TTC21A: variants seen among roughly 807,000 people sequenced by gnomAD.
The protein encoded by TTC21A is tetratricopeptide repeat protein 21A.
TTC21A carries 128 observed loss-of-function variants against 156.4 expected under a neutral mutation model. The ratio of observed to expected loss-of-function variants is 0.82; its 90% CI spans 0.71 to 0.95. The LOEUF is 0.95. TTC21A is among the 40% of genes least tolerant of loss of function. The pLI is 0.00. For synonymous variants in TTC21A, 587 were observed against 617.1 expected, an observed-to-expected ratio of 0.95 and a Z score of 0.72; for missense variants, 1,435 against 1,602.3, an observed-to-expected ratio of 0.90 and a Z score of 1.78.
rs76388694 is a variant in TTC21A, at chr3:39,126,118, C to G, written c.1393-143C>G. Reference sequence around the variant, plus strand: ...AGTTCCATAGCCTGGAGCTCGTGCTCTAAGCACTAGGTGATACAGAGGATA... The same window carrying G: ...AGTTCCATAGCCTGGAGCTCGTGCTGTAAGCACTAGGTGATACAGAGGATA... On this transcript the variant is annotated intron_variant, in intron 11 of 28. Coordinates refer to ENST00000683103, the MANE Select transcript of TTC21A (RefSeq NM_001366900.1). 1.2e-3 allele frequency: 1,233 copies of G among 1,040,436 alleles called. 10 individuals carry two copies. The African/African-American group carries it at 0.018, about 15-fold the overall frequency. The allele number at this position is 1,040,436 out of a possible 1,614,324, so 64.5% of individuals were successfully genotyped here.
chr3:39,134,459 G>T lies in TTC21A; in HGVS notation c.2862+131G>T. 1 of 755,782 alleles carries T rather than the reference G, an allele frequency of 1.3e-6. No individual in the cohort carries two copies. 46.8% of individuals were successfully genotyped at this position (755,782 alleles called of 1,614,324 possible). On this transcript the variant is annotated intron_variant, in intron 21 of 28. Coordinates refer to ENST00000683103, the MANE Select transcript of TTC21A (RefSeq NM_001366900.1). This position sits in a 1 kb window ranked among gnomAD's most constrained non-coding sequence, Gnocchi z 4.6. The stretch of plus-strand genomic sequence containing the variant: ...CTGACACACCTCTGAGGAGCTGTCG[G>T]GCAGAGAGGACTCAGTGCTGCACCT...
chr3:39,115,271 A>C (rs971605758), intron 6 of TTC21A, among the ~76,000 whole-genome samples: 38 of 152,246 alleles, frequency 2.5e-4, no homozygotes, highest in African/African-American at 8.9e-4. Context: ...CTCCAAGTGT[A>C]GAGTGATCTG....
chr3:39,112,847 A>G (rs1322226556), intron 5 of TTC21A, among the ~76,000 whole-genome samples: 6 of 152,082 alleles, frequency 3.9e-5, no homozygotes, highest in Admixed American at 6.6e-5. Context: ...CTTAAGGTCT[A>G]TCCTTCCTTG....
intron 9 of TTC21A, among the ~76,000 whole-genome samples, chr3:39,122,082 G>A (rs902121574): frequency 2.0e-5 from 3 of 152,194 alleles, no homozygotes; most frequent in African/African-American, 7.2e-5. Context: ...GCTGAGGTGG[G>A]CAGGTCATTT....
At chr3:39,109,269 A>G (rs1440497833) in intron 2 of TTC21A, 55 bp downstream of exon 2, 3 of 1,576,930 alleles carry the variant, frequency 1.9e-6, no homozygotes, top group Non-Finnish European at 2.6e-6. Context: ...GGGCCCTAAC[A>G]CTCTGGCTCC....
chr3:39,112,041 G>C (rs548277993), intron 4 of TTC21A, among the ~76,000 whole-genome samples: 1 of 152,338 alleles, frequency 6.6e-6, no homozygotes, highest in East Asian at 1.9e-4. Flanking sequence ...GCTGGCCTAA[G>C]GAGTGGAGAC....
intron 5 of TTC21A, among the ~76,000 whole-genome samples, 194 bp from the exon 6 acceptor site, chr3:39,114,391 C>G (rs946135253): frequency 6.6e-6 from 1 of 152,212 alleles, no homozygotes; most frequent in Admixed American, 6.5e-5. Flanking sequence ...GAACCCAAGA[C>G]TGTTGTAAAC....
At position 39,128,522 on chromosome 3, in the gene TTC21A, G is replaced by A. The variant is rs780622729; in HGVS notation, c.1680+34G>A. Reference sequence around the variant, plus strand: ...CCTCTCATCCTCTCAGCATCCCAAAGCCCAGCTAGCTGTGGCCCCTGTTTG... The same window carrying A: ...CCTCTCATCCTCTCAGCATCCCAAAACCCAGCTAGCTGTGGCCCCTGTTTG... On this transcript the variant is annotated intron_variant, in intron 13 of 28. Coordinates refer to ENST00000683103, the MANE Select transcript of TTC21A (RefSeq NM_001366900.1). 2.9e-5 allele frequency: 46 copies of A among 1,612,806 alleles called. 1 individual carries two copies. The highest frequency in any genetic ancestry group is 3.7e-5 in the Non-Finnish European group (44 of 1,179,300).
chr3:39,130,226 C>T lies in TTC21A; in HGVS notation c.2209-22C>T, dbSNP rs1575546909. 2 of 1,612,150 alleles carry T rather than the reference C, an allele frequency of 1.2e-6. No homozygotes were observed. The highest frequency in any genetic ancestry group is 2.2e-5 in the East Asian group (1 of 44,860). On this transcript the variant is annotated intron_variant, in intron 16 of 28. Coordinates refer to ENST00000683103, the MANE Select transcript of TTC21A (RefSeq NM_001366900.1). The surrounding 1 kb of genome is among the most constrained non-coding windows in gnomAD (Gnocchi z 4.5). Reference sequence around the variant, plus strand: ...CTCCAGTGGGAGAGAAGAGGAAGACCCAAAGACACTTTCCCCACCAGCCCG... The same window carrying T: ...CTCCAGTGGGAGAGAAGAGGAAGACTCAAAGACACTTTCCCCACCAGCCCG...
rs983306378 is a variant in TTC21A, at chr3:39,138,077, A to G, written c.3676-190A>G. The G allele has an allele frequency of 8.4e-6, 6 of 715,840 alleles. No individual in the cohort carries two copies. In the Admixed American group the frequency reaches 1.7e-4, roughly 21 times the overall value. The allele number at this position is 715,840 out of a possible 1,614,324, so 44.3% of individuals were successfully genotyped here. On this transcript the variant is annotated intron_variant, in intron 26 of 28. Coordinates refer to ENST00000683103, the MANE Select transcript of TTC21A (RefSeq NM_001366900.1). ...AAGGGGTTACGCCAGTGTCTGGGGT[A>G]GCTGAGAGGAGGGCACACAGTTGGC...
chr3:39,108,059 G>C, intron 1 of TTC21A, 195 bp downstream of exon 1: 1 of 612,196 alleles, frequency 1.6e-6, no homozygotes, highest in South Asian at 2.0e-5. Flanking sequence ...CCCCAAATTA[G>C]CATCCCCGTT....
chr3:39,136,733 C>T (rs908840455), intron 23 of TTC21A, 166 bp from the exon 24 acceptor site: 30 of 1,016,892 alleles, frequency 3.0e-5, no homozygotes, highest in Non-Finnish European at 4.0e-5. Context: ...AGGCCACCAG[C>T]CTGCATCCAA....
intron 2 of TTC21A, among the ~76,000 whole-genome samples, chr3:39,109,699 A>G (rs1268904832): frequency 6.6e-6 from 1 of 152,204 alleles, no homozygotes. Flanking sequence ...GATAAATGTA[A>G]TCAGTGGCTC....
intron 15 of TTC21A, among the ~76,000 whole-genome samples, chr3:39,129,519 C>T (rs2038558789): frequency 6.6e-6 from 1 of 152,196 alleles, no homozygotes; most frequent in African/African-American, 2.4e-5. Context: ...TCGAATTGGC[C>T]CTGAGCCCTG....
intron 5 of TTC21A, among the ~76,000 whole-genome samples, chr3:39,113,574 C>A (rs2037011687): frequency 6.6e-6 from 1 of 152,212 alleles, no homozygotes; most frequent in African/African-American, 2.4e-5. Context: ...CCATCAGCCA[C>A]CAACTCTCCT....
chr3:39,132,919 TG>T, intron 19 of TTC21A, 132 bp from the exon 20 acceptor site: 1 of 946,206 alleles, frequency 1.1e-6, no homozygotes, highest in Non-Finnish European at 1.6e-6. Flanking sequence ...CTATTCAGAG[TG>T]ACCCAAATTT....
rs2039014590 is a variant in TTC21A, at chr3:39,135,095, G to A, written c.2865G>A (p.Leu955=). ...TEQNHETASV[L]MADLMFRKQK... ...GAGCTTTGTGTGTTTTCTGATAGTT[G>A]ATGGCTGACCTGATGTTTAGAAAAC... Residue 955 remains leucine (L), a splice_region_variant and synonymous_variant, in exon 22 of 29, where the codon TTG becomes TTA. Coordinates refer to ENST00000683103, the MANE Select transcript of TTC21A (RefSeq NM_001366900.1). The A allele has an allele frequency of 6.5e-7, 1 of 1,542,682 alleles. No individual in the cohort carries two copies.
Position 39,136,343 on chromosome 3 carries a change from G to A in TTC21A, c.2945-14G>A. On this transcript the variant is annotated splice_polypyrimidine_tract_variant and intron_variant, in intron 22 of 28. Coordinates refer to ENST00000683103, the MANE Select transcript of TTC21A (RefSeq NM_001366900.1). ...TGGGCATTTCAGCCTGGAGATTTCT[G>A]TCTCTTATTTTAGACAATTTTTTGG... 6.2e-7 allele frequency: 1 copy of A among 1,607,506 alleles called. No homozygotes were observed. The highest frequency in any genetic ancestry group is 8.5e-7 in the Non-Finnish European group (1 of 1,175,992).
chr3:39,131,445 A>G (rs1405332523), intron 19 of TTC21A: 2 of 191,922 alleles, frequency 1.0e-5, no homozygotes, highest in Non-Finnish European at 2.1e-5. Flanking sequence ...TTGAATGATC[A>G]CAGTAGCCCT....
Sources: allele counts gnomAD v4.1 joint callset (sites outside exome capture counted in the v4.1 genomes callset), GRCh38; gene constraint gnomAD v4.1.1; non-coding constraint Gnocchi (gnomAD v3.1); transcripts MANE v1.5; gene names NCBI Gene and HGNC (gene_info 2026-07-23, HGNC 2026-07-21).